The following SRGAP3 variants were observed in gnomAD, a reference collection of about 807,000 sequenced individuals.
The protein encoded by SRGAP3 is SLIT-ROBO Rho GTPase-activating protein 3.
A neutral mutation model predicts 121.1 loss-of-function variants in SRGAP3; 39 were observed. That is an observed-to-expected ratio of 0.32 (90% confidence interval 0.25 to 0.42). SRGAP3 has a LOEUF of 0.42. Among genes scored for constraint, SRGAP3 ranks in the 10% least tolerant of loss-of-function variants. The probability of loss-of-function intolerance (pLI) is 1.00; values close to 1 mark genes in which losing one functional copy is unlikely to be tolerated. For synonymous variants in SRGAP3, 601 were observed against 570.0 expected (o/e 1.05, Z -0.77); for missense variants, 1,213 against 1,470.6 (o/e 0.82, Z 2.86).
chr3:9,002,330 C>T (rs1380902587), intron 18 of SRGAP3, among the ~76,000 whole-genome samples: 1 of 152,066 alleles, frequency 6.6e-6, no homozygotes, highest in East Asian at 1.9e-4. Context: ...AATTATACAG[C>T]ATACTGCTAA....
chr3:8,981,734 T>C lies in SRGAP3; in HGVS notation c.*3785A>G, dbSNP rs910246111. ...ATAAGGCAGATCTCTGAACTGCTGG[T>C]TCCAGCCGATAGCCAAAATATGGCT... On this transcript the variant is annotated 3_prime_UTR_variant, in exon 22 of 22. Transcript: ENST00000383836. The C allele has an allele frequency of 1.3e-5, 3 of 230,358 alleles. No individual in the cohort carries two copies. The highest frequency in any genetic ancestry group is 2.2e-5 in the African/African-American group (1 of 45,160). 14.3% of individuals were successfully genotyped at this position (230,358 alleles called of 1,614,324 possible). A position where few individuals can be genotyped will look rare whatever the true frequency, so the allele number is the denominator to read the frequency against.
chr3:9,299,418 C>A (rs1955011459), intron 3 of SRGAP3, among the ~76,000 whole-genome samples: 1 of 151,772 alleles, frequency 6.6e-6, no homozygotes, highest in Non-Finnish European at 1.5e-5. Context: ...AGACATCCAG[C>A]CCCAACTAGC....
At chr3:9,052,051 G>A (rs1945604880) in intron 9 of SRGAP3, among the ~76,000 whole-genome samples, 1 of 152,198 alleles carries the variant, frequency 6.6e-6, no homozygotes, top group African/African-American at 2.4e-5. Context: ...CCACTGCTCG[G>A]AGTCTCACCT....
At chr3:9,046,085 A>G (rs1250870478) in intron 10 of SRGAP3, among the ~76,000 whole-genome samples, 1 of 152,138 alleles carries the variant, frequency 6.6e-6, no homozygotes, top group Non-Finnish European at 1.5e-5. Context: ...GAATGAAGAA[A>G]AAGCTCACTG....
At chr3:9,151,653 G>A (rs1275894063) in intron 1 of SRGAP3, among the ~76,000 whole-genome samples, 1 of 152,206 alleles carries the variant, frequency 6.6e-6, no homozygotes, top group African/African-American at 2.4e-5. Flanking sequence ...AAACAGCAGA[G>A]CCAAGGGGCA....
upstream of SRGAP3, chr3:9,249,816 G>C (rs1574940517): frequency 2.0e-5 from 4 of 196,482 alleles, no homozygotes; most frequent in East Asian, 3.2e-4. Flanking sequence ...AAAAGTAATC[G>C]GGTTGGTAAG....
At chr3:9,164,013 T>C (rs1011805889) in intron 1 of SRGAP3, among the ~76,000 whole-genome samples, 2 of 147,324 alleles carry the variant, frequency 1.4e-5, no homozygotes, top group Non-Finnish European at 3.0e-5. Context: ...TTTTTTTTTT[T>C]TGAGACAGAG....
At chr3:9,123,973 C>T (rs1301059225) in intron 2 of SRGAP3, among the ~76,000 whole-genome samples, 1 of 151,826 alleles carries the variant, frequency 6.6e-6, no homozygotes, top group Non-Finnish European at 1.5e-5. Context: ...GGCCGGGGGA[C>T]CTGCCAAGTG....
At chr3:9,286,104 C>A (rs563014031) in intron 3 of SRGAP3, among the ~76,000 whole-genome samples, 9 of 131,458 alleles carry the variant, frequency 6.8e-5, no homozygotes, top group Non-Finnish European at 4.9e-5. Flanking sequence ...AAAGCGAGAC[C>A]CTATCTCAAA....
intron 1 of SRGAP3, among the ~76,000 whole-genome samples, chr3:9,129,953 G>A (rs1288253086): frequency 1.3e-5 from 2 of 151,864 alleles, no homozygotes; most frequent in Non-Finnish European, 2.9e-5. Context: ...GTAGAGACAG[G>A]GTTTTACCAT....
At chr3:9,069,758 C>A (rs1052548376) in intron 4 of SRGAP3, among the ~76,000 whole-genome samples, 27 of 152,106 alleles carry the variant, frequency 1.8e-4, no homozygotes, top group East Asian at 9.6e-4. Flanking sequence ...ACCAGCCTGG[C>A]CAACATAGTG....
chr3:9,119,786 C>T (rs1362420433), intron 2 of SRGAP3, among the ~76,000 whole-genome samples: 1 of 152,236 alleles, frequency 6.6e-6, no homozygotes, highest in Non-Finnish European at 1.5e-5. Flanking sequence ...CCTGACACTA[C>T]ATGGAGAGGG....
chr3:9,131,148 T>A (rs1262081050), intron 1 of SRGAP3, among the ~76,000 whole-genome samples: 1 of 152,186 alleles, frequency 6.6e-6, no homozygotes, highest in Non-Finnish European at 1.5e-5. Context: ...GTTTTCTCCT[T>A]GAAGATTTCA....
intron 14 of SRGAP3, among the ~76,000 whole-genome samples, chr3:9,022,637 G>C (rs533622108): frequency 8.3e-4 from 126 of 152,276 alleles, no homozygotes; most frequent in African/African-American, 2.9e-3. Context: ...ACAGAAAAGA[G>C]TAAGTGAGAA....
chr3:9,104,936 C>T (rs1002551139), intron 2 of SRGAP3, 94 bp from the exon 3 acceptor site: 37 of 1,487,968 alleles, frequency 2.5e-5, no homozygotes, highest in African/African-American at 2.8e-5. Flanking sequence ...TTAACCTCCA[C>T]GGTGCCCCTT....
chr3:9,301,416 G>C (rs758322930), intron 3 of SRGAP3, among the ~76,000 whole-genome samples: 1 of 152,220 alleles, frequency 6.6e-6, no homozygotes, highest in East Asian at 1.9e-4. Flanking sequence ...GCCCTTAAAG[G>C]CTCCATGGCT....
chr3:9,179,826 C>T (rs1007785536), intron 1 of SRGAP3, among the ~76,000 whole-genome samples: 43 of 152,348 alleles, frequency 2.8e-4, no homozygotes, highest in Non-Finnish European at 1.8e-4. Flanking sequence ...AGAGGTCAAG[C>T]GACTAGCCCA....
chr3:9,149,302 G>A (rs754584289), intron 1 of SRGAP3, among the ~76,000 whole-genome samples: 3 of 151,888 alleles, frequency 2.0e-5, no homozygotes, highest in Non-Finnish European at 2.9e-5. Context: ...GTCCCAGTTA[G>A]TTGAGAGCTG....
At chr3:9,008,566 G>C (rs1246118815) in intron 18 of SRGAP3, among the ~76,000 whole-genome samples, 1 of 152,124 alleles carries the variant, frequency 6.6e-6, no homozygotes, top group Non-Finnish European at 1.5e-5. Context: ...GGGATAGAGG[G>C]AGGGGAGAAC....
Sources: allele counts gnomAD v4.1 joint callset (sites outside exome capture counted in the v4.1 genomes callset), GRCh38; gene constraint gnomAD v4.1.1; transcripts MANE v1.5; gene names NCBI Gene and HGNC (gene_info 2026-07-23, HGNC 2026-07-21).